TEAD1: variants seen among roughly 807,000 people sequenced by gnomAD.
The protein encoded by TEAD1 is TEA domain transcription factor 1, also known as transcriptional enhancer factor TEF-1.
Under a neutral mutation model 54.9 loss-of-function variants are expected in TEAD1, and 9 were observed. That is an observed-to-expected ratio of 0.16 (90% CI 0.10 to 0.29). The LOEUF (loss-of-function observed/expected upper bound fraction) is 0.29. Ranked by LOEUF, TEAD1 falls within the 10% of genes least tolerant of loss-of-function variation. The pLI is 1.00. For missense variants in TEAD1, 387 were observed against 535.9 expected (o/e 0.72, Z 2.74); for synonymous variants, 200 against 187.8 (o/e 1.07, Z -0.53).
At chr11:12,800,848 T>C (rs541632738) in intron 3 of TEAD1, among the ~76,000 whole-genome samples, 143 of 152,308 alleles carry the variant, frequency 9.4e-4, no homozygotes, top group Non-Finnish European at 1.7e-3. Flanking sequence ...CTAAGAGTCC[T>C]ATATAGCTGT....
intron 4 of TEAD1, 82 bp from the exon 5 acceptor site, chr11:12,864,756 T>C: frequency 6.2e-7 from 1 of 1,612,490 alleles, no homozygotes; most frequent in Non-Finnish European, 8.5e-7. Flanking sequence ...AAGGTACGTC[T>C]GGCTTGCCCA....
At chr11:12,848,526 C>T (rs949589164) in intron 3 of TEAD1, among the ~76,000 whole-genome samples, 2 of 152,190 alleles carry the variant, frequency 1.3e-5, no homozygotes, top group South Asian at 2.1e-4. Context: ...ATCCCGACTC[C>T]ACTGCTTAAT....
chr11:12,763,989 T>C (rs1353902714), intron 2 of TEAD1, among the ~76,000 whole-genome samples, 190 bp from the exon 3 acceptor site: 4 of 152,224 alleles, frequency 2.6e-5, no homozygotes, highest in Non-Finnish European at 2.9e-5. Context: ...CAAGCAAAGC[T>C]GGTGACTGAA....
intron 3 of TEAD1, among the ~76,000 whole-genome samples, chr11:12,771,872 C>A (rs1158364001): frequency 1.8e-4 from 28 of 152,176 alleles, no homozygotes; most frequent in Admixed American, 1.8e-3. Context: ...AAAGGGAAGA[C>A]AGATTAGTGG....
At chr11:12,892,122 T>C (rs1257524644) in intron 9 of TEAD1, among the ~76,000 whole-genome samples, 7 of 152,228 alleles carry the variant, frequency 4.6e-5, no homozygotes, top group African/African-American at 1.7e-4. Context: ...AGGCAGTTGG[T>C]CAAACGTGGG....
At chr11:12,783,098 T>TGTG (rs1945594174) in intron 3 of TEAD1, among the ~76,000 whole-genome samples, 2 of 139,274 alleles carry the variant, frequency 1.4e-5, no homozygotes, top group South Asian at 2.3e-4. Context: ...AGGTAAGGGT[T>TGTG]TGTGTGTGTG....
intron 11 of TEAD1, among the ~76,000 whole-genome samples, chr11:12,927,504 A>G (rs1948924784): frequency 6.6e-6 from 1 of 152,204 alleles, no homozygotes; most frequent in South Asian, 2.1e-4. Context: ...ATTCTTTTTC[A>G]TATATTTTCT....
intron 3 of TEAD1, among the ~76,000 whole-genome samples, chr11:12,833,927 C>T (rs969855012): frequency 2.0e-5 from 3 of 152,194 alleles, no homozygotes; most frequent in Non-Finnish European, 4.4e-5. Context: ...CCAACTAGAC[C>T]TTGAGCTTGC....
At chr11:12,924,317 A>G (rs896645476) in intron 10 of TEAD1, among the ~76,000 whole-genome samples, 86 of 152,300 alleles carry the variant, frequency 5.6e-4, no homozygotes, top group African/African-American at 2.0e-3. Context: ...TAGTTATTTT[A>G]TGTATCTTCC....
At chr11:12,883,919 C>T (rs2134100795) in intron 9 of TEAD1, among the ~76,000 whole-genome samples, 1 of 151,638 alleles carries the variant, frequency 6.6e-6, no homozygotes, top group South Asian at 2.1e-4. Context: ...TGGTTGAACC[C>T]AGGAGGCGGA....
intron 9 of TEAD1, among the ~76,000 whole-genome samples, chr11:12,891,060 C>T (rs199829002): frequency 1.4e-4 from 21 of 152,258 alleles, no homozygotes; most frequent in South Asian, 8.3e-4. Context: ...CCACCATGCA[C>T]GGCCTCAATT....
intron 10 of TEAD1, among the ~76,000 whole-genome samples, chr11:12,911,314 A>G (rs1055612863): frequency 2.0e-5 from 3 of 152,124 alleles, no homozygotes; most frequent in Admixed American, 6.5e-5. Flanking sequence ...CCCCACCCCC[A>G]TTGGAGTCTC....
chr11:12,735,674 A>AT (rs1384312866), intron 2 of TEAD1, among the ~76,000 whole-genome samples: 1 of 151,400 alleles, frequency 6.6e-6, no homozygotes, highest in African/African-American at 2.4e-5. Flanking sequence ...ACCATGAGGC[A>AT]TGTATCCCCT....
Position 12,762,141 on chromosome 11 carries a change from T to C in TEAD1, c.-54-2038T>C, listed in dbSNP as rs151073781. Among the ~76,000 whole-genome samples, 15 of 152,320 alleles carry C rather than the reference T, an allele frequency of 9.8e-5. No homozygotes were observed. In the East Asian group the frequency reaches 2.9e-3, roughly 29 times the overall value. On this transcript the variant is annotated intron_variant, in intron 2 of 12. Coordinates refer to ENST00000527636, the MANE Select transcript of TEAD1 (RefSeq NM_021961.6). ...AGTGTGGCTCCTCGGAGTAAATTCA[T>C]ACTGCTGTGAACTGCCCAGAGCTCA...
chr11:12,720,611 G>A (rs1944174781), intron 2 of TEAD1, among the ~76,000 whole-genome samples: 1 of 152,180 alleles, frequency 6.6e-6, no homozygotes. Context: ...GGTGAAGGCA[G>A]GATTTGAATC....
At chr11:12,834,789 AGTTT>A (rs977028765) in intron 3 of TEAD1, among the ~76,000 whole-genome samples, 3 of 142,356 alleles carry the variant, frequency 2.1e-5, no homozygotes, top group Non-Finnish European at 4.6e-5. Flanking sequence ...CTTAATTTTA[AGTTT>A]GTTTGTAGAG....
At chr11:12,692,423 C>A (rs1943477966) in intron 2 of TEAD1, among the ~76,000 whole-genome samples, 1 of 152,198 alleles carries the variant, frequency 6.6e-6, no homozygotes, top group Non-Finnish European at 1.5e-5. Context: ...AAATTATCAT[C>A]ATTCTCCACA....
At chr11:12,799,334 A>C (rs138942230) in intron 3 of TEAD1, among the ~76,000 whole-genome samples, 2 of 152,350 alleles carry the variant, frequency 1.3e-5, no homozygotes, top group African/African-American at 4.8e-5. Flanking sequence ...AGTCACATGC[A>C]ATCTTTTTCC....
intron 5 of TEAD1, chr11:12,878,904 A>G: frequency 2.3e-6 from 3 of 1,287,442 alleles, no homozygotes; most frequent in South Asian, 1.2e-5. Flanking sequence ...AAGCATGGTA[A>G]GTATTTTCAC....
Sources: allele counts gnomAD v4.1 joint callset (sites outside exome capture counted in the v4.1 genomes callset), GRCh38; gene constraint gnomAD v4.1.1; transcripts MANE v1.5; gene names NCBI Gene and HGNC (gene_info 2026-07-23, HGNC 2026-07-21).